Variants in XK observed in about 807,000 individuals in gnomAD.
XK encodes X-linked Kx blood group antigen, Kell and VPS13A binding protein.
Under a neutral mutation model 14.0 loss-of-function variants are expected in XK, and 2 were observed. The observed-to-expected ratio is 0.14, with a 90% CI of 0.06 to 0.45. The LOEUF (loss-of-function observed/expected upper bound fraction) is 0.45. Ranked by LOEUF, XK falls within the 20% of genes least tolerant of loss-of-function variation. The pLI is 0.98. For synonymous variants in XK, 149 were observed against 147.5 expected (o/e 1.01, Z -0.08); for missense variants, 235 against 341.5 (o/e 0.69, Z 2.46).
At position 37,694,387 on chromosome X, in the gene XK, A is replaced by G; in HGVS notation, c.347A>G (p.Glu116Gly). ...CAAATGCCAAAAAATGGCCTCTCAG[A>G]GGAGATTGAGAAGGAGGTGGGCCAG... is the stretch of plus-strand genomic sequence containing the variant. ...KRQMPKNGLS[E>G]EIEKEVGQAE... The change falls in exon 2 of 3, where the codon GAG becomes GGG. Residue 116 changes from glutamate (E) to glycine (G), a missense_variant. Coordinates refer to ENST00000378616, the MANE Select transcript of XK (RefSeq NM_021083.4). The G allele has an allele frequency of 8.3e-7, 1 of 1,207,796 alleles. No individual in the cohort carries two copies. The highest frequency in any genetic ancestry group is 1.1e-6 in the Non-Finnish European group (1 of 893,022).
At chrX:37,718,245 A>C (rs952554290) in intron 2 of XK, among the ~76,000 whole-genome samples, 7 of 110,896 alleles carry the variant, frequency 6.3e-5, no homozygotes, top group Non-Finnish European at 9.5e-5. Flanking sequence ...CACTTTCCTC[A>C]CCCACCTCCC....
intron 2 of XK, among the ~76,000 whole-genome samples, chrX:37,706,840 C>T (rs1389320346): frequency 9.2e-6 from 1 of 109,189 alleles, no homozygotes. Flanking sequence ...TGACTCTTAA[C>T]GAGCATGCTG....
intron 1 of XK, among the ~76,000 whole-genome samples, chrX:37,687,118 C>G (rs1278378591): frequency 9.1e-6 from 1 of 109,456 alleles, no homozygotes; most frequent in Non-Finnish European, 1.9e-5. Flanking sequence ...GCCAGAGAGA[C>G]ACCTCAGCTG....
chrX:37,728,435 G>A lies in XK; in HGVS notation c.1308G>A (p.Leu436=), dbSNP rs781835775. 124 of 1,207,888 alleles carry A rather than the reference G, an allele frequency of 1.0e-4. No individual in the cohort carries two copies. The South Asian group carries it at 2.0e-3, about 20-fold the overall frequency. ...CAAGTCCTGAGCCTGGTCAGTTCTT[G>A]AATGCTGAAGATCTCTGCTCTGCTT... is the stretch of plus-strand genomic sequence containing the variant. ...SKTSPEPGQF[L]NAEDLCSA Residue 436 remains leucine (L), a synonymous_variant, in exon 3 of 3, where the codon TTG becomes TTA. Coordinates refer to ENST00000378616, the MANE Select transcript of XK (RefSeq NM_021083.4).
intron 2 of XK, among the ~76,000 whole-genome samples, chrX:37,721,432 G>T (rs782265446): frequency 9.0e-6 from 1 of 111,125 alleles, no homozygotes; most frequent in Admixed American, 9.6e-5. Flanking sequence ...TATACAAATG[G>T]CCAATACCCA....
At chrX:37,709,451 C>A (rs1049622779) in intron 2 of XK, among the ~76,000 whole-genome samples, 3 of 111,394 alleles carry the variant, frequency 2.7e-5, no homozygotes, top group Non-Finnish European at 5.7e-5. Context: ...CTCATTTGAT[C>A]AAAAAGCTGT....
At chrX:37,709,149 A>C (rs1556446129) in intron 2 of XK, among the ~76,000 whole-genome samples, 1 of 112,120 alleles carries the variant, frequency 8.9e-6, no homozygotes, top group East Asian at 2.8e-4. Flanking sequence ...TTACAGACCC[A>C]AAGATAGAGC....
intron 2 of XK, among the ~76,000 whole-genome samples, chrX:37,711,130 A>G (rs782099243): frequency 8.9e-6 from 1 of 112,063 alleles, no homozygotes; most frequent in Non-Finnish European, 1.9e-5. Flanking sequence ...AGTTTCTGTC[A>G]TTTTTAGTTG....
chrX:37,707,486 A>G (rs1267647173), intron 2 of XK, among the ~76,000 whole-genome samples: 11 of 101,558 alleles, frequency 1.1e-4, no homozygotes, highest in Non-Finnish European at 1.8e-4. Flanking sequence ...CTCACTTCTC[A>G]GACGGGGCGG....
chrX:37,695,049 C>T (rs1341085984), intron 2 of XK, among the ~76,000 whole-genome samples: 2 of 112,253 alleles, frequency 1.8e-5, no homozygotes, highest in Admixed American at 1.9e-4. Context: ...CTGCTTCCTT[C>T]TCATTGTTGA....
rs781973539 is a variant in XK, at chrX:37,686,083, T to C, written c.122T>C (p.Leu41Ser). ...GGDRMWQALT[L>S]LFSLLPCALV... ...GACCGCATGTGGCAGGCGCTGACGTTGCTTTTCTCGCTACTGCCTTGCGCG... is the reference window on the plus strand; with the variant it reads ...GACCGCATGTGGCAGGCGCTGACGTCGCTTTTCTCGCTACTGCCTTGCGCG... Residue 41 changes from leucine to serine, a missense_variant, in exon 1 of 3, where the codon TTG becomes TCG. Transcript: ENST00000378616. 5.0e-6 allele frequency: 6 copies of C among 1,211,228 alleles called. No individual in the cohort carries two copies. In the Admixed American group the frequency reaches 1.3e-4, roughly 26 times the overall value.
rs1569475561 is a variant in XK at position 37,727,858 on chromosome X, A to G, written c.731A>G (p.Asn244Ser). ...TGGGTGGTGGTTATAATACTCATCAACTTCTTCAGTTTCTTCTTGTACCCC... is the reference window on the plus strand; with the variant it reads ...TGGGTGGTGGTTATAATACTCATCAGCTTCTTCAGTTTCTTCTTGTACCCC... ...KTWVVVIILI[N>S]FFSFFLYPWI... The change falls in exon 3 of 3, where the codon AAC (asparagine) becomes AGC (serine). Residue 244 changes from asparagine (N) to serine (S), a missense_variant. By Grantham distance (46) the Asn-to-Ser change is conservative. Coordinates refer to ENST00000378616, the MANE Select transcript of XK (RefSeq NM_021083.4). 3 of 1,210,853 alleles carry G rather than the reference A, an allele frequency of 2.5e-6. No homozygotes were observed. The highest frequency in any genetic ancestry group is 2.2e-5 in the Admixed American group (1 of 45,921).
At chrX:37,712,030 A>G (rs1253680460) in intron 2 of XK, among the ~76,000 whole-genome samples, 1 of 111,547 alleles carries the variant, frequency 9.0e-6, no homozygotes, top group African/African-American at 3.3e-5. Flanking sequence ...GGTGGTCACG[A>G]TAGGGTGTTT....
rs1928021496 is a variant in XK at position 37,728,382 on chromosome X, A to G, written c.1255A>G (p.Arg419Gly). The G allele has an allele frequency of 8.3e-7, 1 of 1,209,084 alleles. No individual in the cohort carries two copies. Among genetic ancestry groups the G allele is most frequent in the Admixed American group, 2.2e-5 (1 of 45,748 alleles). The change falls in exon 3 of 3, where the codon AGA becomes GGA. Residue 419 changes from arginine to glycine, a missense_variant. Coordinates refer to ENST00000378616, the MANE Select transcript of XK (RefSeq NM_021083.4). ...GGAAGATCTACAGTCATCCAGAGAT[A>G]GAGATGAGACACCTTCTAGCAGTAA... ...GKEDLQSSRD[R>G]DETPSSSKTS...
rs782568420 is a variant in XK, at chrX:37,689,373, TA to T, written c.245+3172del. 5.0e-4 allele frequency among the ~76,000 whole-genome samples: 56 copies of T among 112,735 alleles called. No individual in the cohort carries two copies. In the South Asian group the frequency reaches 0.02, roughly 41 times the overall value. ...CTAAGACATCAGCTTTACATAAAGATAAAAATTATTTCCCTCAAACAAAGGA... is the reference window on the plus strand; with the variant it reads ...CTAAGACATCAGCTTTACATAAAGATAAAATTATTTCCCTCAAACAAAGGA... On this transcript the variant is annotated intron_variant, in intron 1 of 2. Transcript: ENST00000378616.
intron 2 of XK, among the ~76,000 whole-genome samples, chrX:37,695,996 G>T (rs192405334): frequency 8.9e-6 from 1 of 112,295 alleles, no homozygotes; most frequent in Non-Finnish European, 1.9e-5. Flanking sequence ...AAGTGGCAGG[G>T]ATACAGCAAG....
intron 1 of XK, among the ~76,000 whole-genome samples, chrX:37,690,946 A>G (rs1556441188): frequency 8.9e-6 from 1 of 112,197 alleles, no homozygotes; most frequent in Non-Finnish European, 1.9e-5. Context: ...AGTCTTGCAG[A>G]ATTCCAAGAA....
intron 2 of XK, among the ~76,000 whole-genome samples, chrX:37,727,146 G>A (rs1281576466): frequency 9.0e-6 from 1 of 111,429 alleles, no homozygotes; most frequent in Admixed American, 9.6e-5. Context: ...AAGAATTTGA[G>A]TGCATATATC....
rs374163547 is a variant in XK, at chrX:37,694,433, C to T, written c.393C>T (p.Thr131=). The T allele has an allele frequency of 1.2e-5, 14 of 1,199,000 alleles. No homozygotes were observed. The highest frequency in any genetic ancestry group is 2.3e-4 in the Middle Eastern group (1 of 4,325). ...GCCAGGCAGAAGGCAAACTAATCAC[C>T]CACCGATCAGCGTTCAGCCGGGCGT... ...EVGQAEGKLI[T]HRSAFSRASV... The change falls in exon 2 of 3, where the codon ACC becomes ACT. Residue 131 remains threonine (T), a synonymous_variant. Transcript: ENST00000378616.
Sources: gnomAD v4.1 joint callset for allele counts (sites outside exome capture counted in the v4.1 genomes callset) on GRCh38, gnomAD v4.1.1 for gene constraint, MANE v1.5 for transcripts, NCBI Gene and HGNC (gene_info 2026-07-23, HGNC 2026-07-21) for gene names.